ISL1: variants seen among roughly 807,000 people sequenced by gnomAD.
The protein encoded by ISL1 is ISL LIM homeobox 1, also known as insulin gene enhancer protein ISL-1.
In ISL1, 4 loss-of-function variants were observed where a neutral mutation model predicts 35.3. The ratio of observed to expected loss-of-function variants is 0.11; its 90% CI spans 0.06 to 0.26. The LOEUF (loss-of-function observed/expected upper bound fraction) is 0.26. Ranked by LOEUF, ISL1 falls within the 10% of genes least tolerant of loss-of-function variation. The pLI is 1.00. For missense variants in ISL1, 340 were observed against 472.8 expected, an observed-to-expected ratio of 0.72 and a Z score of 2.60; for synonymous variants, 186 against 172.3, an observed-to-expected ratio of 1.08 and a Z score of -0.62.
chr5:51,388,810 G>T (rs1186031915), intron 3 of ISL1, among the ~76,000 whole-genome samples: 1 of 152,114 alleles, frequency 6.6e-6, no homozygotes, highest in Non-Finnish European at 1.5e-5. Flanking sequence ...GTTCAGTGGA[G>T]CCTGCACTCT....
intron 2 of ISL1, chr5:51,386,307 C>T (rs1420308505): frequency 8.4e-6 from 2 of 238,082 alleles, no homozygotes; most frequent in African/African-American, 2.3e-5. Flanking sequence ...TTGCATGTGC[C>T]TAATTCTGGA....
In ISL1 at chr5:51,383,582, A is replaced by G. The variant is rs1198565520; in HGVS notation, c.-90A>G. 3 of 1,121,644 alleles carry G rather than the reference A, an allele frequency of 2.7e-6. No individual in the cohort carries two copies. The highest frequency in any genetic ancestry group is 4.1e-6 in the Non-Finnish European group (3 of 730,700). 69.5% of individuals were successfully genotyped at this position (1,121,644 alleles called of 1,614,324 possible). A position where few individuals can be genotyped will look rare whatever the true frequency, so the allele number is the denominator to read the frequency against. On this transcript the variant is annotated 5_prime_UTR_variant, in exon 1 of 6. Coordinates refer to ENST00000230658, the MANE Select transcript of ISL1 (RefSeq NM_002202.3). ...GCAACCCCAGGGGCCAATATTTCCC[A>G]CTTAGCCACAGCTCCAGCATCCTCT... is the stretch of plus-strand genomic sequence containing the variant.
intron 1 of ISL1, 115 bp from the exon 2 acceptor site, chr5:51,384,426 A>G: frequency 1.1e-6 from 1 of 891,408 alleles, no homozygotes; most frequent in East Asian, 2.5e-5. Flanking sequence ...AAAGAAAGAA[A>G]GAAAGAAAGA....
At chr5:51,384,850 G>T in intron 2 of ISL1, 120 bp downstream of exon 2, 1 of 913,996 alleles carries the variant, frequency 1.1e-6, no homozygotes. Context: ...AGTCATACAA[G>T]CCAAAGTTAC....
rs1747387175 is a variant in ISL1, at chr5:51,387,818, A to C, written c.478+69A>C. The C allele has an allele frequency of 1.9e-5, 31 of 1,590,404 alleles. 1 individual carries two copies. The highest frequency in any genetic ancestry group is 2.6e-5 in the Non-Finnish European group (30 of 1,166,308). On this transcript the variant is annotated intron_variant, in intron 3 of 5. Transcript: ENST00000230658. The surrounding 1 kb of genome is among the most constrained non-coding windows in gnomAD (Gnocchi z 4.3). ...CAGCCTGTGTGCCAGCGGCCACAAC[A>C]ACTATGGTAGCTACAGGGGTGGTCG...
At chr5:51,388,108 C>T (rs1205259656) in intron 3 of ISL1, among the ~76,000 whole-genome samples, 4 of 152,242 alleles carry the variant, frequency 2.6e-5, no homozygotes, top group Non-Finnish European at 4.4e-5. Context: ...CAGGTATTCT[C>T]CTGCTGCCTA....
At chr5:51,383,952 G>C (rs1361219738) in intron 1 of ISL1, among the ~76,000 whole-genome samples, 4 of 152,148 alleles carry the variant, frequency 2.6e-5, no homozygotes, top group African/African-American at 9.7e-5. Flanking sequence ...GTGCTAAGCG[G>C]TGATTTCCTC....
rs772554787 is a variant in ISL1, at chr5:51,387,568, G to C, written c.297G>C (p.Val99=). The change falls in exon 3 of 6, where the codon GTG becomes GTC. Residue 99 remains valine (V), a synonymous_variant. Coordinates refer to ENST00000230658, the MANE Select transcript of ISL1 (RefSeq NM_002202.3). The surrounding 1 kb of genome is among the most constrained non-coding windows in gnomAD (Gnocchi z 4.3). ...TCGTGATGCGTGCCCGCTCCAAGGT[G>C]TATCACATCGAGTGTTTCCGCTGTG... The part of the protein sequence containing the change: ...NDFVMRARSK[V]YHIECFRCVA... The C allele has an allele frequency of 2.5e-6, 4 of 1,614,244 alleles. No individual in the cohort carries two copies. The Admixed American group carries it at 6.7e-5, about 27-fold the overall frequency.
At chr5:51,388,223 TG>T (rs746477310) in intron 3 of ISL1, among the ~76,000 whole-genome samples, 11 of 152,238 alleles carry the variant, frequency 7.2e-5, no homozygotes, top group Non-Finnish European at 1.5e-4. Flanking sequence ...TTTTTCCTTG[TG>T]AGTTGCTTCA....
Position 51,393,755 on chromosome 5 carries a change from T to C in ISL1, c.*145T>C. The C allele has an allele frequency of 1.4e-6, 1 of 703,570 alleles. No individual in the cohort carries two copies. The highest frequency in any genetic ancestry group is 1.5e-5 in the South Asian group (1 of 65,278). 43.6% of individuals were successfully genotyped at this position (703,570 alleles called of 1,614,324 possible). A position where few individuals can be genotyped will look rare whatever the true frequency, so the allele number is the denominator to read the frequency against. On this transcript the variant is annotated 3_prime_UTR_variant, in exon 6 of 6. Coordinates refer to ENST00000230658, the MANE Select transcript of ISL1 (RefSeq NM_002202.3). ...TCCATGAAATGCACGAAGTCTGTTTTAATGACAAGGTGATATGGTAGCAAC... is the reference window on the plus strand; with the variant it reads ...TCCATGAAATGCACGAAGTCTGTTTCAATGACAAGGTGATATGGTAGCAAC...
chr5:51,384,038 G>T (rs1157801775), intron 1 of ISL1, among the ~76,000 whole-genome samples: 1 of 152,086 alleles, frequency 6.6e-6, no homozygotes, highest in Non-Finnish European at 1.5e-5. Flanking sequence ...CCAGAGATGT[G>T]AATTAGCATT....
intron 2 of ISL1, among the ~76,000 whole-genome samples, chr5:51,385,227 C>T (rs1396262994): frequency 1.3e-5 from 2 of 152,144 alleles, no homozygotes; most frequent in African/African-American, 2.4e-5. Flanking sequence ...TTTGAAAGAG[C>T]GAGTACAGGT....
At chr5:51,392,324 A>G (rs557473311) in intron 5 of ISL1, among the ~76,000 whole-genome samples, 17 of 152,258 alleles carry the variant, frequency 1.1e-4, no homozygotes, top group African/African-American at 3.8e-4. Context: ...TTTCTTAAAG[A>G]GTAATCAGCC....
chr5:51,384,410 A>G (rs1158214553), intron 1 of ISL1, 131 bp from the exon 2 acceptor site: 4 of 787,544 alleles, frequency 5.1e-6, no homozygotes, highest in Non-Finnish European at 8.1e-6. Context: ...CTCTAAAAAA[A>G]AAAAAAAAGA....
chr5:51,390,058 T>C, intron 4 of ISL1, 126 bp downstream of exon 4: 1 of 1,164,056 alleles, frequency 8.6e-7, no homozygotes, highest in Non-Finnish European at 1.2e-6. Context: ...TGGCCGGGGC[T>C]GCCCCTCATC....
chr5:51,387,367 C>T lies in ISL1; in HGVS notation c.219-123C>T. 1 of 999,284 alleles carries T rather than the reference C, an allele frequency of 1.0e-6. No individual in the cohort carries two copies. The highest frequency in any genetic ancestry group is 1.5e-6 in the Non-Finnish European group (1 of 649,974). The allele number at this position is 999,284 out of a possible 1,614,324, so 61.9% of individuals were successfully genotyped here. On this transcript the variant is annotated intron_variant, in intron 2 of 5. Coordinates refer to ENST00000230658, the MANE Select transcript of ISL1 (RefSeq NM_002202.3). The surrounding 1 kb of genome is among the most constrained non-coding windows in gnomAD (Gnocchi z 4.3). ...TGTTTCCAACTTCTGTTTGGAAATGCTGTTTACTTGGGGCGTCTTGCCCGG... is the reference window on the plus strand; with the variant it reads ...TGTTTCCAACTTCTGTTTGGAAATGTTGTTTACTTGGGGCGTCTTGCCCGG...
At chr5:51,388,274 A>C (rs887729290) in intron 3 of ISL1, among the ~76,000 whole-genome samples, 2 of 152,120 alleles carry the variant, frequency 1.3e-5, no homozygotes, top group Admixed American at 6.5e-5. Flanking sequence ...TCTTTCTGTG[A>C]GAGAACAGGA....
chr5:51,390,046 T>C, intron 4 of ISL1, 114 bp downstream of exon 4: 1 of 1,279,460 alleles, frequency 7.8e-7, no homozygotes, highest in African/African-American at 1.5e-5. Context: ...TGGGCAGGAG[T>C]TTGGCCGGGG....
intron 5 of ISL1, among the ~76,000 whole-genome samples, chr5:51,392,253 T>G (rs1747533126): frequency 6.6e-6 from 1 of 152,212 alleles, no homozygotes; most frequent in African/African-American, 2.4e-5. Flanking sequence ...GGGGTCAAGA[T>G]AAATAAGAAC....
Sources: gnomAD v4.1 joint callset for allele counts (sites outside exome capture counted in the v4.1 genomes callset) on GRCh38, gnomAD v4.1.1 for gene constraint, Gnocchi (gnomAD v3.1) non-coding constraint, MANE v1.5 for transcripts, NCBI Gene and HGNC (gene_info 2026-07-23, HGNC 2026-07-21) for gene names.